Variants in RET observed in about 807,000 individuals in gnomAD.
RET encodes proto-oncogene tyrosine-protein kinase receptor Ret.
A neutral mutation model predicts 118.3 loss-of-function variants in RET; 19 were observed. The ratio of observed to expected loss-of-function variants is 0.16; its 90% CI spans 0.11 to 0.24. The LOEUF (loss-of-function observed/expected upper bound fraction) is 0.24. RET is among the 10% of genes least tolerant of loss of function. The pLI is 1.00. For synonymous variants in RET, 597 were observed against 644.1 expected (o/e 0.93, Z 1.11); for missense variants, 1,219 against 1,502.1 (o/e 0.81, Z 3.12).
chr10:43,099,903 G>A (rs754230839), intron 1 of RET, among the ~76,000 whole-genome samples: 9 of 152,200 alleles, frequency 5.9e-5, no homozygotes, highest in South Asian at 2.1e-4. Context: ...GCTGGACCAC[G>A]GTGTGCCTGT....
intron 2 of RET, among the ~76,000 whole-genome samples, chr10:43,101,341 G>A (rs536600216): frequency 1.3e-5 from 2 of 152,376 alleles, no homozygotes; most frequent in Non-Finnish European, 2.9e-5. Flanking sequence ...AGCTTGCACA[G>A]CCCTCACAAC....
At chr10:43,126,035 G>C (rs1044192581) in intron 18 of RET, among the ~76,000 whole-genome samples, 2 of 152,176 alleles carry the variant, frequency 1.3e-5, no homozygotes, top group African/African-American at 2.4e-5. Context: ...CCTGTAGCAG[G>C]GTCCTGTGCA....
At chr10:43,118,351 C>T (rs1274814086) in intron 12 of RET, 22 bp from the exon 13 acceptor site, 2 of 1,597,868 alleles carry the variant, frequency 1.3e-6, no homozygotes, top group East Asian at 2.2e-5. Flanking sequence ...TCGTTTGCAA[C>T]CTGCTCTGTG....
At chr10:43,091,168 A>C (rs1297632925) in intron 1 of RET, among the ~76,000 whole-genome samples, 1 of 152,206 alleles carries the variant, frequency 6.6e-6, no homozygotes, top group Non-Finnish European at 1.5e-5. Flanking sequence ...ATTGGGCTAC[A>C]TCAAAATGTA....
intron 1 of RET, among the ~76,000 whole-genome samples, chr10:43,092,430 T>C (rs574626825): frequency 6.6e-6 from 1 of 152,374 alleles, no homozygotes; most frequent in African/African-American, 2.4e-5. Context: ...TGCCACTGAA[T>C]TGTACACTTA....
At chr10:43,118,842 C>T (rs1021913837) in intron 13 of RET, among the ~76,000 whole-genome samples, 6 of 152,210 alleles carry the variant, frequency 3.9e-5, no homozygotes, top group African/African-American at 1.4e-4. Flanking sequence ...CCCTGGGTAC[C>T]ACAGGGCACC....
At position 43,109,185 on chromosome 10, in the gene RET, T is replaced by C; in HGVS notation, c.1218T>C (p.Ser406=). The change falls in exon 6 of 20, where the codon AGT becomes AGC. Residue 406 remains serine (S), a synonymous_variant. Coordinates refer to ENST00000355710, the MANE Select transcript of RET (RefSeq NM_020975.6). The stretch of plus-strand genomic sequence containing the variant: ...TGCCGGTCAGCCTGCACCTGCCCAG[T>C]ACCTACTCCCTCTCCGTGAGCAGGA... ...SVLPVSLHLP[S]TYSLSVSRRA... The C allele has an allele frequency of 6.2e-7, 1 of 1,613,836 alleles. No individual in the cohort carries two copies. The highest frequency in any genetic ancestry group is 1.7e-5 in the Admixed American group (1 of 60,026).
chr10:43,100,368 A>G, intron 1 of RET, 91 bp from the exon 2 acceptor site: 1 of 1,469,762 alleles, frequency 6.8e-7, no homozygotes, highest in Non-Finnish European at 9.4e-7. Context: ...TCCTGCTAAG[A>G]TCGGAATTTT....
chr10:43,110,088 C>T (rs755253721), intron 6 of RET, among the ~76,000 whole-genome samples: 1 of 150,576 alleles, frequency 6.6e-6, no homozygotes, highest in Admixed American at 6.6e-5. Context: ...TATCTAAGCT[C>T]CCCGACCACC....
Position 43,128,738 on chromosome 10 carries a change from CCTT to C in RET, c.*470_*472del. On this transcript the variant is annotated 3_prime_UTR_variant, in exon 20 of 20. Coordinates refer to ENST00000355710, the MANE Select transcript of RET (RefSeq NM_020975.6). ...AAAAATGCTGGCCCTGATGACCTGT[CCTT>C]ATTCAGAATGAGAGACTGCGGGGGG... 2.9e-6 allele frequency: 1 copy of C among 349,734 alleles called. No homozygotes were observed. The highest frequency in any genetic ancestry group is 5.3e-6 in the Non-Finnish European group (1 of 187,478). 21.7% of individuals were successfully genotyped at this position (349,734 alleles called of 1,614,324 possible). A position where few individuals can be genotyped will look rare whatever the true frequency, so the allele number is the denominator to read the frequency against.
intron 16 of RET, among the ~76,000 whole-genome samples, chr10:43,122,824 T>G (rs1838247314): frequency 2.0e-5 from 3 of 152,304 alleles, no homozygotes; most frequent in Admixed American, 2.0e-4. Context: ...TTGGTCACAC[T>G]GGTCTTGAAT....
chr10:43,089,703 G>A lies in RET; in HGVS notation c.74-10756G>A, dbSNP rs140871327. Among the ~76,000 whole-genome samples the A allele has an allele frequency of 6.3e-3, 957 of 152,334 alleles. 4 individuals are homozygous for A. The highest frequency in any genetic ancestry group is 0.01 in the Non-Finnish European group (692 of 68,022). On this transcript the variant is annotated intron_variant, in intron 1 of 19. Transcript: ENST00000355710. Reference sequence around the variant, plus strand: ...AAGGACACACCACACACAGGGAGGCGTGGAGCACATGTGGCCTGTCCCACC... The same window carrying A: ...AAGGACACACCACACACAGGGAGGCATGGAGCACATGTGGCCTGTCCCACC...
chr10:43,105,094 G>C lies in RET; in HGVS notation c.768G>C (p.Val256=), dbSNP rs1588866143. 1 of 1,611,830 alleles carries C rather than the reference G, an allele frequency of 6.2e-7. No individual in the cohort carries two copies. Among genetic ancestry groups the C allele is most frequent in the African/African-American group, 1.3e-5 (1 of 74,908 alleles). Residue 256 remains valine (V), a synonymous_variant, in exon 4 of 20, where the codon GTG becomes GTC. Coordinates refer to ENST00000355710, the MANE Select transcript of RET (RefSeq NM_020975.6). ...GCGCGCGCGAGGAGGTGGTGATGGTGCCCTTCCCGGTGACCGTGTACGACG... is the reference window on the plus strand; with the variant it reads ...GCGCGCGCGAGGAGGTGGTGATGGTCCCCTTCCCGGTGACCGTGTACGACG... ...HAGAREEVVM[V]PFPVTVYDED... is the part of the protein sequence containing the mutation.
chr10:43,085,621 C>G (rs1429313166), intron 1 of RET, among the ~76,000 whole-genome samples: 1 of 152,266 alleles, frequency 6.6e-6, no homozygotes, highest in East Asian at 1.9e-4. Context: ...CTGAGAGGAG[C>G]TTACACATCA....
At chr10:43,099,281 G>A (rs1351908682) in intron 1 of RET, among the ~76,000 whole-genome samples, 3 of 152,108 alleles carry the variant, frequency 2.0e-5, no homozygotes, top group Admixed American at 6.5e-5. Flanking sequence ...AGGCAGAGGC[G>A]GGCGGATCGC....
At chr10:43,098,567 G>A (rs190891252) in intron 1 of RET, among the ~76,000 whole-genome samples, 8 of 152,122 alleles carry the variant, frequency 5.3e-5, no homozygotes, top group South Asian at 2.1e-4. Flanking sequence ...GATTATAGGC[G>A]CCCGCCTTCA....
chr10:43,130,073 G>GAATTTATCCTTGACC lies in RET; in HGVS notation c.*1823_*1837dup. 2.5e-6 allele frequency: 1 copy of GAATTTATCCTTGACC among 398,568 alleles called. No individual in the cohort carries two copies. 24.7% of individuals were successfully genotyped at this position (398,568 alleles called of 1,614,324 possible). ...TCTAAACAGCTGACCCAGTGATGGG[G>GAATTTATCCTTGACC]AATTTATCCTTGACCAATTTATCCT... On this transcript the variant is annotated 3_prime_UTR_variant, in exon 20 of 20. Transcript: ENST00000355710.
chr10:43,095,758 A>G (rs977545867), intron 1 of RET, among the ~76,000 whole-genome samples: 10 of 152,144 alleles, frequency 6.6e-5, no homozygotes, highest in African/African-American at 2.4e-4. Context: ...ACACACACTC[A>G]TGACACACAC....
rs528823385 is a variant in RET at position 43,124,919 on chromosome 10, G to A, written c.2976G>A (p.Pro992=). The change falls in exon 18 of 20, where the codon CCG becomes CCA. Residue 992 remains proline (P), a synonymous_variant. Transcript: ENST00000355710. ...TGCTGCAATGCTGGAAGCAGGAGCC[G>A]GACAAAAGGCCGGTGTTTGCGGACA... ...RLMLQCWKQE[P]DKRPVFADIS... 7.8e-4 allele frequency: 1,260 copies of A among 1,614,200 alleles called. 26 individuals carry two copies. In the South Asian group the frequency reaches 0.012, roughly 16 times the overall value.
Sources: gnomAD v4.1 joint callset for allele counts (sites outside exome capture counted in the v4.1 genomes callset) on GRCh38, gnomAD v4.1.1 for gene constraint, MANE v1.5 for transcripts, NCBI Gene and HGNC (gene_info 2026-07-23, HGNC 2026-07-21) for gene names.